PTPRO: variants seen among roughly 807,000 people sequenced by gnomAD.
PTPRO encodes the protein protein tyrosine phosphatase receptor type O, also known as receptor-type tyrosine-protein phosphatase O.
A neutral mutation model predicts 145.2 loss-of-function variants in PTPRO; 62 were observed. The observed-to-expected ratio is 0.43, with a 90% CI of 0.35 to 0.53. The LOEUF (loss-of-function observed/expected upper bound fraction) is 0.53. Ranked by LOEUF, PTPRO falls within the 20% of genes least tolerant of loss-of-function variation. PTPRO has a pLI of 0.01. For missense variants in PTPRO, 1,345 were observed against 1,482.7 expected (o/e 0.91, Z 1.53); for synonymous variants, 565 against 514.7 (o/e 1.10, Z -1.32).
intron 1 of PTPRO, among the ~76,000 whole-genome samples, chr12:15,379,852 AG>A (rs1938805559): frequency 6.6e-6 from 1 of 152,180 alleles, no homozygotes; most frequent in African/African-American, 2.4e-5. Context: ...ATTAGGTTGT[AG>A]TGGTGGTTGC....
intron 17 of PTPRO, among the ~76,000 whole-genome samples, chr12:15,563,283 A>T (rs1812945338): frequency 6.6e-6 from 1 of 151,720 alleles, no homozygotes; most frequent in Non-Finnish European, 1.5e-5. Context: ...GGCGAACCCT[A>T]CATGTCACAC....
At chr12:15,492,198 G>A (rs1192969137) in intron 2 of PTPRO, among the ~76,000 whole-genome samples, 2 of 152,124 alleles carry the variant, frequency 1.3e-5, no homozygotes, top group African/African-American at 4.8e-5. Context: ...CATAATAAGA[G>A]AGAAATGGGG....
intron 9 of PTPRO, among the ~76,000 whole-genome samples, chr12:15,519,065 A>G (rs985855810): frequency 1.3e-5 from 2 of 152,180 alleles, no homozygotes; most frequent in African/African-American, 4.8e-5. Context: ...AGACTGGGCA[A>G]TTTACAAAAG....
At chr12:15,388,932 A>G (rs1939107992) in intron 1 of PTPRO, among the ~76,000 whole-genome samples, 1 of 151,948 alleles carries the variant, frequency 6.6e-6, no homozygotes. Context: ...AGAAAAAAAA[A>G]ATCTACTCTT....
chr12:15,413,091 C>A (rs760484669), intron 1 of PTPRO, among the ~76,000 whole-genome samples: 3 of 152,038 alleles, frequency 2.0e-5, no homozygotes, highest in Non-Finnish European at 1.5e-5. Context: ...CCATGCCCGG[C>A]CTTGTTTTTG....
chr12:15,385,543 G>A (rs770605826), intron 1 of PTPRO, among the ~76,000 whole-genome samples: 43 of 152,154 alleles, frequency 2.8e-4, no homozygotes, highest in Non-Finnish European at 3.8e-4. Context: ...AGCCGGGCAT[G>A]TTGGCTCACA....
At chr12:15,573,889 T>C (rs1287430656) in intron 19 of PTPRO, among the ~76,000 whole-genome samples, 1 of 152,162 alleles carries the variant, frequency 6.6e-6, no homozygotes, top group Non-Finnish European at 1.5e-5. Flanking sequence ...TTGAAATACA[T>C]TGATAGTTAA....
chr12:15,552,209 C>G (rs1943482140), intron 15 of PTPRO, among the ~76,000 whole-genome samples: 1 of 152,098 alleles, frequency 6.6e-6, no homozygotes, highest in Admixed American at 6.6e-5. Context: ...TTAGAAAAGC[C>G]TTTGATTTAT....
intron 1 of PTPRO, among the ~76,000 whole-genome samples, chr12:15,465,458 G>C (rs1941395191): frequency 6.6e-6 from 1 of 152,178 alleles, no homozygotes; most frequent in Non-Finnish European, 1.5e-5. Context: ...AAGAATTTTA[G>C]TAAAGGAGAA....
chr12:15,396,215 C>T (rs766342669), intron 1 of PTPRO, among the ~76,000 whole-genome samples: 5 of 152,000 alleles, frequency 3.3e-5, no homozygotes, highest in Non-Finnish European at 7.4e-5. Flanking sequence ...TACAGAAATA[C>T]GTAGGTTCAG....
In PTPRO at chr12:15,516,621, GGAAGGA is replaced by G. The variant is rs1565678786; in HGVS notation, c.1586-141_1586-136del. On this transcript the variant is annotated intron_variant, in intron 8 of 26. Coordinates refer to ENST00000281171, the MANE Select transcript of PTPRO (RefSeq NM_030667.3). ...AGGAAGCAAGAAAGGGAGGAAGGAA[GGAAGGA>G]AGGAAGGAAGGGAGGGAGGGAGGTA... is the stretch of plus-strand genomic sequence containing the variant. 1,063 of 709,560 alleles carry G rather than the reference GGAAGGA, an allele frequency of 1.5e-3. 8 individuals are homozygous for G. Among genetic ancestry groups the G allele is most frequent in the African/African-American group, 0.015 (827 of 55,274 alleles). The allele number at this position is 709,560 out of a possible 1,614,324, so 44.0% of individuals were successfully genotyped here.
intron 1 of PTPRO, among the ~76,000 whole-genome samples, chr12:15,347,812 G>A (rs1463102282): frequency 1.3e-5 from 2 of 152,140 alleles, no homozygotes; most frequent in Non-Finnish European, 2.9e-5. Flanking sequence ...CATTTGCATG[G>A]CCCCATGCAG....
At chr12:15,587,121 C>G in intron 24 of PTPRO, 70 bp downstream of exon 24, 1 of 1,535,550 alleles carries the variant, frequency 6.5e-7, no homozygotes, top group South Asian at 1.1e-5. Flanking sequence ...GCTCACCATT[C>G]CATAAGCCCT....
At chr12:15,473,768 C>CAAAAAAAAAAAAAAAAAAAAAA (rs11340085) in intron 1 of PTPRO, among the ~76,000 whole-genome samples, 2 of 65,574 alleles carry the variant, frequency 3.0e-5, no homozygotes, top group African/African-American at 1.2e-4. Context: ...GACTCCATCT[C>CAAAAAAAAAAAAAAAAAAAAAA]AAAAAAAAAA....
At chr12:15,495,486 G>T (rs1300260424) in intron 2 of PTPRO, among the ~76,000 whole-genome samples, 1 of 151,266 alleles carries the variant, frequency 6.6e-6, no homozygotes, top group Non-Finnish European at 1.5e-5. Context: ...TTTAAACTAA[G>T]GACATTTCTT....
At chr12:15,435,077 C>T (rs890083393) in intron 1 of PTPRO, among the ~76,000 whole-genome samples, 2 of 152,198 alleles carry the variant, frequency 1.3e-5, no homozygotes, top group East Asian at 3.9e-4. Flanking sequence ...CCTAACTTAG[C>T]AGAGAAGATC....
rs775013254 is a variant in PTPRO, at chr12:15,497,385, C to T, written c.490C>T (p.Arg164Trp). 2.2e-5 allele frequency: 36 copies of T among 1,613,214 alleles called. No homozygotes were observed. Among genetic ancestry groups the T allele is most frequent in the Admixed American group, 5.0e-5 (3 of 59,994 alleles). ...NISYWEGKDFRTMLYKDFFKG... is the reference protein window; with the variant it reads ...NISYWEGKDFWTMLYKDFFKG... ...TAGCTACTGGGAAGGTAAAGACTTC[C>T]GGACAATGCTATATAAAGGTAAGCA... Residue 164 changes from arginine (R) to tryptophan (W), a missense_variant, in exon 3 of 27, where the codon CGG becomes TGG. Physicochemically the swap from Arg to Trp is moderately radical, Grantham distance 101. This residue lies in a region of PTPRO where 1,130 missense variants were observed against 1,214.7 expected (regional missense o/e 0.93). Coordinates refer to ENST00000281171, the MANE Select transcript of PTPRO (RefSeq NM_030667.3).
At chr12:15,591,080 A>G (rs1944540648) in intron 25 of PTPRO, among the ~76,000 whole-genome samples, 1 of 152,092 alleles carries the variant, frequency 6.6e-6, no homozygotes, top group African/African-American at 2.4e-5. Context: ...AACTTCATAG[A>G]TTTTGGGGCC....
At chr12:15,541,300 C>T (rs1041566677) in intron 12 of PTPRO, among the ~76,000 whole-genome samples, 1 of 152,204 alleles carries the variant, frequency 6.6e-6, no homozygotes, top group Non-Finnish European at 1.5e-5. Context: ...ATTTACTCTT[C>T]TCAACATTAT....
Sources: allele counts gnomAD v4.1 joint callset (sites outside exome capture counted in the v4.1 genomes callset), GRCh38; gene constraint gnomAD v4.1.1; regional missense constraint gnomAD v4.1.1; transcripts MANE v1.5; gene names NCBI Gene and HGNC (gene_info 2026-07-23, HGNC 2026-07-21).